The following MAP3K5 variants were observed in gnomAD, a reference collection of about 807,000 sequenced individuals.
MAP3K5 encodes ASK-1.
A neutral mutation model predicts 158.7 loss-of-function variants in MAP3K5; 56 were observed. The observed-to-expected ratio is 0.35, with a 90% CI of 0.28 to 0.44. The LOEUF is 0.44. Among genes scored for constraint, MAP3K5 ranks in the 20% least tolerant of loss-of-function variants. MAP3K5 has a pLI of 1.00. For missense variants in MAP3K5, 1,294 were observed against 1,674.8 expected (o/e 0.77, Z 3.97); for synonymous variants, 579 against 601.7 (o/e 0.96, Z 0.55).
intron 1 of MAP3K5, among the ~76,000 whole-genome samples, chr6:136,721,368 T>C (rs1781742232): frequency 6.6e-6 from 1 of 151,792 alleles, no homozygotes; most frequent in Non-Finnish European, 1.5e-5. Flanking sequence ...CCCTGGTAAG[T>C]ATAATCAAGA....
At position 136,785,875 on chromosome 6, in the gene MAP3K5, T is replaced by A. The variant is rs534026595; in HGVS notation, c.448+5835A>T. ...ACAGAATTTTCCCGAATGTTTAAAA[T>A]GGTGAATGGTTCCATAAACTGTGTT... is the stretch of plus-strand genomic sequence containing the variant. On this transcript the variant is annotated intron_variant, in intron 1 of 29. Transcript: ENST00000359015. Among the ~76,000 whole-genome samples, 573 of 152,302 alleles carry A rather than the reference T, an allele frequency of 3.8e-3. 1 individual carries two copies. Among genetic ancestry groups the A allele is most frequent in the Non-Finnish European group, 5.4e-3 (370 of 68,020 alleles).
At chr6:136,724,664 G>C (rs1460096309) in intron 1 of MAP3K5, among the ~76,000 whole-genome samples, 1 of 152,094 alleles carries the variant, frequency 6.6e-6, no homozygotes, top group Non-Finnish European at 1.5e-5. Flanking sequence ...GTGCTTATTG[G>C]TATAATTTTA....
intron 1 of MAP3K5, among the ~76,000 whole-genome samples, chr6:136,777,073 A>G (rs746537133): frequency 3.9e-5 from 6 of 152,220 alleles, no homozygotes; most frequent in Non-Finnish European, 8.8e-5. Flanking sequence ...TACTTCAAAC[A>G]CATAAAATAT....
At chr6:136,637,231 T>A in intron 14 of MAP3K5, 94 bp downstream of exon 14, 1 of 1,248,318 alleles carries the variant, frequency 8.0e-7, no homozygotes, top group Non-Finnish European at 1.2e-6. Flanking sequence ...GACAGTCTCC[T>A]ACCCCTCATA....
At chr6:136,599,385 G>A (rs1775779645) in intron 21 of MAP3K5, among the ~76,000 whole-genome samples, 1 of 152,138 alleles carries the variant, frequency 6.6e-6, no homozygotes, top group Non-Finnish European at 1.5e-5. Context: ...GAACCTGACT[G>A]ACTAGAGTTC....
chr6:136,649,842 T>C (rs763520607), intron 11 of MAP3K5, among the ~76,000 whole-genome samples: 7 of 152,236 alleles, frequency 4.6e-5, no homozygotes, highest in Admixed American at 4.6e-4. Context: ...CCTTTTGAGA[T>C]GGATATTATT....
intron 1 of MAP3K5, among the ~76,000 whole-genome samples, chr6:136,782,056 A>G (rs6570101): frequency 0.55 from 71,419 of 128,854 alleles, 17,921 homozygotes; most frequent in Admixed American, 0.62. Context: ...TCTCTACTGG[A>G]AAAAAAAAAA....
intron 14 of MAP3K5, chr6:136,636,747 A>G (rs1466170356): frequency 1.2e-6 from 1 of 813,702 alleles, no homozygotes; most frequent in Admixed American, 6.2e-5. Flanking sequence ...ATTCAAGACC[A>G]GTCTGGGCAA....
At chr6:136,669,018 C>A (rs1456150716) in intron 8 of MAP3K5, among the ~76,000 whole-genome samples, 1 of 152,112 alleles carries the variant, frequency 6.6e-6, no homozygotes, top group Non-Finnish European at 1.5e-5. Flanking sequence ...AACCCATATC[C>A]TCAATATTAG....
intron 1 of MAP3K5, among the ~76,000 whole-genome samples, chr6:136,737,571 G>A (rs370834285): frequency 2.6e-5 from 4 of 152,106 alleles, no homozygotes; most frequent in Admixed American, 2.0e-4. Context: ...GCCCTTTGAC[G>A]GCTTCTTATC....
At chr6:136,757,571 A>ATTTT (rs1562679067) in intron 1 of MAP3K5, among the ~76,000 whole-genome samples, 2 of 111,136 alleles carry the variant, frequency 1.8e-5, no homozygotes, top group African/African-American at 6.8e-5. Flanking sequence ...TTATAGATTT[A>ATTTT]TTTATTTATT....
chr6:136,589,494 C>T (rs558029087), intron 23 of MAP3K5, among the ~76,000 whole-genome samples: 1 of 152,252 alleles, frequency 6.6e-6, no homozygotes, highest in Non-Finnish European at 1.5e-5. Flanking sequence ...GGGGATTCTT[C>T]CTTGTGTTTG....
chr6:136,592,777 C>A, intron 21 of MAP3K5, 163 bp from the exon 22 acceptor site: 2 of 727,296 alleles, frequency 2.7e-6, no homozygotes, highest in Middle Eastern at 2.3e-4. Context: ...GACTGCCTCC[C>A]TTGCTCAGCA....
chr6:136,599,624 A>G (rs1480714310), intron 21 of MAP3K5, among the ~76,000 whole-genome samples: 2 of 152,216 alleles, frequency 1.3e-5, no homozygotes, highest in African/African-American at 4.8e-5. Context: ...TAAAACAATC[A>G]TGGATTAAAC....
At chr6:136,787,691 C>T (rs1305147585) in intron 1 of MAP3K5, among the ~76,000 whole-genome samples, 3 of 152,208 alleles carry the variant, frequency 2.0e-5, no homozygotes, top group Admixed American at 2.0e-4. Flanking sequence ...CCCTTCACTT[C>T]TAACCCTGGT....
chr6:136,671,484 G>A (rs1031116025), intron 7 of MAP3K5, among the ~76,000 whole-genome samples: 4 of 152,144 alleles, frequency 2.6e-5, no homozygotes, highest in African/African-American at 4.8e-5. Context: ...GGTATATTAC[G>A]AAAGAAATAA....
chr6:136,635,358 T>A (rs1735711216), intron 14 of MAP3K5, among the ~76,000 whole-genome samples: 1 of 152,038 alleles, frequency 6.6e-6, no homozygotes, highest in South Asian at 2.1e-4. Flanking sequence ...GAAAGCTAAT[T>A]CCTAACAATC....
intron 1 of MAP3K5, among the ~76,000 whole-genome samples, chr6:136,784,316 G>C (rs1297921877): frequency 3.9e-5 from 6 of 152,148 alleles, no homozygotes; most frequent in Non-Finnish European, 8.8e-5. Flanking sequence ...GTGCTCTGGA[G>C]TTTTCTTTTT....
intron 23 of MAP3K5, among the ~76,000 whole-genome samples, chr6:136,586,321 A>C (rs1775139069): frequency 6.6e-6 from 1 of 152,256 alleles, no homozygotes; most frequent in Non-Finnish European, 1.5e-5. Flanking sequence ...TGCCAATAGC[A>C]AACTTCAAAT....
Sources: gnomAD v4.1 joint callset for allele counts (sites outside exome capture counted in the v4.1 genomes callset) on GRCh38, gnomAD v4.1.1 for gene constraint, MANE v1.5 for transcripts, NCBI Gene and HGNC (gene_info 2026-07-23, HGNC 2026-07-21) for gene names.